KLF8: variants seen among roughly 807,000 people sequenced by gnomAD.
The protein encoded by KLF8 is Krueppel-like factor 8.
In KLF8, 10 loss-of-function variants were observed where a neutral mutation model predicts 18.2. The ratio of observed to expected loss-of-function variants is 0.55; its 90% CI spans 0.34 to 0.93. KLF8 has a LOEUF of 0.93. Among genes scored for constraint, KLF8 ranks in the 40% least tolerant of loss-of-function variants. The probability of loss-of-function intolerance (pLI) is 0.02; values close to 1 mark genes in which losing one functional copy is unlikely to be tolerated. For synonymous variants in KLF8, 109 were observed against 97.3 expected (o/e 1.12, Z -0.71); for missense variants, 264 against 277.9 (o/e 0.95, Z 0.36).
chrX:56,084,994 G>A, the KLF8 span, among the ~76,000 whole-genome samples: 23 of 111,825 alleles, frequency 2.1e-4, no homozygotes, highest in Non-Finnish European at 3.9e-4. Flanking sequence ...AAGCAAAGGA[G>A]TTCCTGGGGG....
the KLF8 span, among the ~76,000 whole-genome samples, chrX:56,152,801 C>A: frequency 1.8e-5 from 2 of 112,127 alleles, no homozygotes; most frequent in African/African-American, 6.5e-5. Flanking sequence ...ACTATGTATT[C>A]TAACTTCTCA....
chrX:56,273,602 G>A (rs1183289211), intron 5 of KLF8, among the ~76,000 whole-genome samples: 3 of 110,956 alleles, frequency 2.7e-5, no homozygotes, highest in Non-Finnish European at 5.7e-5. Context: ...TTTTGTGCCT[G>A]GCTTATTTCA....
At chrX:56,017,999 A>G in the KLF8 span, among the ~76,000 whole-genome samples, 1 of 112,166 alleles carries the variant, frequency 8.9e-6, no homozygotes, top group African/African-American at 3.2e-5. Context: ...TAATTGGGAT[A>G]TCCATCATCT....
the KLF8 span, among the ~76,000 whole-genome samples, chrX:56,069,699 G>A: frequency 8.9e-6 from 1 of 111,831 alleles, no homozygotes; most frequent in Non-Finnish European, 1.9e-5. Context: ...ATCTCCTGTA[G>A]CCAGATGTGC....
the KLF8 span, among the ~76,000 whole-genome samples, chrX:56,112,079 A>G: frequency 1.8e-5 from 2 of 111,881 alleles, no homozygotes; most frequent in African/African-American, 6.5e-5. Context: ...CTTGGAACCA[A>G]CCCAAATGCC....
the KLF8 span, among the ~76,000 whole-genome samples, chrX:56,021,465 C>T: frequency 1.8e-5 from 2 of 111,234 alleles, no homozygotes; most frequent in Non-Finnish European, 3.8e-5. Context: ...TACATATGTG[C>T]ACACCCGTTT....
chrX:56,176,781 T>G, the KLF8 span, among the ~76,000 whole-genome samples: 1 of 111,984 alleles, frequency 8.9e-6, no homozygotes, highest in Non-Finnish European at 1.9e-5. Flanking sequence ...GTCCCATATT[T>G]CTTTGAGGCT....
the KLF8 span, among the ~76,000 whole-genome samples, chrX:56,136,756 G>T: frequency 0.52 from 57,123 of 109,032 alleles, 13,526 homozygotes; most frequent in Non-Finnish European, 0.73. Context: ...TGACAAATGG[G>T]ATCTAATTAA....
At chrX:56,103,923 G>T in the KLF8 span, among the ~76,000 whole-genome samples, 11 of 110,763 alleles carry the variant, frequency 9.9e-5, no homozygotes, top group East Asian at 2.8e-4. Context: ...TAGCATGAAG[G>T]GCTGTTGAAT....
the KLF8 span, among the ~76,000 whole-genome samples, chrX:56,006,161 C>G: frequency 8.9e-6 from 1 of 112,398 alleles, no homozygotes; most frequent in African/African-American, 3.2e-5. Context: ...CATTTCCACA[C>G]CAGACCCTCT....
At chrX:56,191,621 C>G in the KLF8 span, among the ~76,000 whole-genome samples, 1 of 111,196 alleles carries the variant, frequency 9.0e-6, no homozygotes, top group Non-Finnish European at 1.9e-5. Context: ...TGGGATTTAT[C>G]CCAGAGATTC....
At chrX:55,950,418 C>T in the KLF8 span, among the ~76,000 whole-genome samples, 5 of 111,306 alleles carry the variant, frequency 4.5e-5, no homozygotes, top group African/African-American at 1.6e-4. Flanking sequence ...AAAACAGACC[C>T]GGATTCAAGT....
chrX:55,937,935 G>A, the KLF8 span, among the ~76,000 whole-genome samples: 2 of 112,204 alleles, frequency 1.8e-5, no homozygotes, highest in East Asian at 5.6e-4. Flanking sequence ...ATGGAACCAA[G>A]TCACAAAACA....
chrX:55,981,529 G>A, the KLF8 span, among the ~76,000 whole-genome samples: 14 of 112,153 alleles, frequency 1.2e-4, no homozygotes, highest in Non-Finnish European at 1.1e-4. Context: ...CTTCTAAGAC[G>A]AGGAAATTAC....
the KLF8 span, among the ~76,000 whole-genome samples, chrX:56,213,279 GTTTTC>G: frequency 0.11 from 4,470 of 40,417 alleles, 827 homozygotes; most frequent in African/African-American, 0.21. Context: ...TTTTTCTTTT[GTTTTC>G]TTTTCTTTTC....
chrX:56,079,480 A>T, the KLF8 span, among the ~76,000 whole-genome samples: 1 of 111,430 alleles, frequency 9.0e-6, no homozygotes, highest in Non-Finnish European at 1.9e-5. Context: ...CCTGAGTTCT[A>T]GTTTGATTGC....
At chrX:55,968,148 C>T in the KLF8 span, among the ~76,000 whole-genome samples, 1 of 110,857 alleles carries the variant, frequency 9.0e-6, no homozygotes, top group Admixed American at 9.6e-5. Context: ...ACAAGAGAAT[C>T]ACTTTCACTA....
At chrX:56,034,748 CTTTTTT>C in the KLF8 span, among the ~76,000 whole-genome samples, 18 of 53,831 alleles carry the variant, frequency 3.3e-4, no homozygotes, top group East Asian at 7.6e-4. Flanking sequence ...GAACTTATTT[CTTTTTT>C]TTTTTTTTTT....
the KLF8 span, among the ~76,000 whole-genome samples, chrX:56,001,766 CAT>C: frequency 8.9e-6 from 1 of 111,939 alleles, no homozygotes; most frequent in African/African-American, 3.2e-5. Flanking sequence ...TCAATGCTCA[CAT>C]GTCAGTACTT....
Sources: gnomAD v4.1 joint callset for allele counts (sites outside exome capture counted in the v4.1 genomes callset) on GRCh38, gnomAD v4.1.1 for gene constraint, MANE v1.5 for transcripts, NCBI Gene and HGNC (gene_info 2026-07-23, HGNC 2026-07-21) for gene names.